RERE: variants seen among roughly 807,000 people sequenced by gnomAD.
RERE encodes arginine-glutamic acid dipeptide repeats protein.
RERE carries 40 observed loss-of-function variants against 146.1 expected under a neutral mutation model. The observed-to-expected ratio is 0.27, with a 90% CI of 0.21 to 0.36. RERE has a LOEUF of 0.36. Ranked by LOEUF, RERE falls within the 10% of genes least tolerant of loss-of-function variation. RERE has a pLI of 1.00. For synonymous variants in RERE, 1,003 were observed against 866.0 expected (o/e 1.16, Z -2.78); for missense variants, 1,933 against 2,138.7 (o/e 0.90, Z 1.90).
chr1:8,749,564 C>T (rs948685596), intron 1 of RERE, among the ~76,000 whole-genome samples: 2 of 152,030 alleles, frequency 1.3e-5, no homozygotes, highest in South Asian at 2.1e-4. Flanking sequence ...CTGATGGAAC[C>T]GCACTGAGGC....
chr1:8,668,574 A>C (rs780275657), intron 1 of RERE, among the ~76,000 whole-genome samples: 1 of 152,240 alleles, frequency 6.6e-6, no homozygotes, highest in Admixed American at 6.5e-5. Context: ...GCAAAACACA[A>C]GCAGATGGGT....
At chr1:8,579,412 A>ATTTTC (rs1380031715) in intron 4 of RERE, among the ~76,000 whole-genome samples, 1 of 152,220 alleles carries the variant, frequency 6.6e-6, no homozygotes, top group Non-Finnish European at 1.5e-5. Flanking sequence ...ATTGTAGGAA[A>ATTTTC]TCATTTTCTA....
intron 11 of RERE, among the ~76,000 whole-genome samples, chr1:8,441,342 A>G (rs920524038): frequency 6.6e-6 from 1 of 152,184 alleles, no homozygotes; most frequent in Non-Finnish European, 1.5e-5. Context: ...CGCTCCTGTG[A>G]GGGGATGCAG....
chr1:8,379,092 C>G (rs933079299), intron 12 of RERE, among the ~76,000 whole-genome samples: 4 of 152,226 alleles, frequency 2.6e-5, no homozygotes, highest in Admixed American at 1.3e-4. Flanking sequence ...AACTCCAGAA[C>G]AGCTCTCAGA....
chr1:8,534,956 C>G (rs1214851136), intron 7 of RERE, among the ~76,000 whole-genome samples: 2 of 152,088 alleles, frequency 1.3e-5, no homozygotes, highest in South Asian at 2.1e-4. Flanking sequence ...AACTGAGGGA[C>G]AGCTGGGCAC....
chr1:8,428,543 C>A (rs963463210), intron 11 of RERE: 1 of 152,182 alleles, frequency 6.6e-6, no homozygotes, highest in Non-Finnish European at 1.5e-5. Flanking sequence ...AAGTTACCTA[C>A]CTACAAGTCC....
chr1:8,358,644 G>A lies in RERE; in HGVS notation c.3891C>T (p.Pro1297=), dbSNP rs1641408190. 1 of 1,585,920 alleles carries A rather than the reference G, an allele frequency of 6.3e-7. No homozygotes were observed. Among genetic ancestry groups the A allele is most frequent in the Non-Finnish European group, 8.6e-7 (1 of 1,166,286 alleles). ...CCCGGAGCTCCCGCTCGCGGATGGT[G>A]GGGTCGACGTTGTAGAGGCCAGGCA... ...YHMPGLYNVD[P]TIRERELRER... The change falls in exon 20 of 23, where the codon CCC becomes CCT. Residue 1297 remains proline, a synonymous_variant. Coordinates refer to ENST00000400908, the MANE Select transcript of RERE (RefSeq NM_001042681.2).
At chr1:8,690,206 C>A (rs1639180582) in intron 1 of RERE, among the ~76,000 whole-genome samples, 1 of 152,208 alleles carries the variant, frequency 6.6e-6, no homozygotes, top group South Asian at 2.1e-4. Context: ...TGAGGGCTCT[C>A]TTCCTAGCTT....
intron 4 of RERE, among the ~76,000 whole-genome samples, chr1:8,609,238 A>G (rs1334450989): frequency 6.6e-6 from 1 of 151,928 alleles, no homozygotes; most frequent in Non-Finnish European, 1.5e-5. Flanking sequence ...AAAAAAAGGA[A>G]TAAATTAACT....
intron 1 of RERE, among the ~76,000 whole-genome samples, chr1:8,666,646 A>G (rs771328410): frequency 7.2e-5 from 11 of 152,268 alleles, no homozygotes; most frequent in Non-Finnish European, 1.2e-4. Context: ...GCATTCTCAT[A>G]AACAGTAACC....
At chr1:8,742,396 A>T (rs953135722) in intron 1 of RERE, among the ~76,000 whole-genome samples, 2 of 152,228 alleles carry the variant, frequency 1.3e-5, no homozygotes, top group Admixed American at 1.3e-4. Flanking sequence ...GAATCGGTAT[A>T]TAAAGTTACT....
intron 2 of RERE, among the ~76,000 whole-genome samples, chr1:8,641,793 C>T (rs1273633190): frequency 3.3e-5 from 5 of 152,154 alleles, no homozygotes; most frequent in Admixed American, 6.5e-5. Flanking sequence ...TTTATCATGG[C>T]GACACCTTAA....
chr1:8,697,589 C>T lies in RERE; in HGVS notation c.-144-41148G>A, dbSNP rs566709533. 2.0e-4 allele frequency among the ~76,000 whole-genome samples: 30 copies of T among 152,218 alleles called. No individual in the cohort carries two copies. In the Middle Eastern group the frequency reaches 0.02, roughly 104 times the overall value. On this transcript the variant is annotated intron_variant, in intron 1 of 22. Transcript: ENST00000400908. ...TTGTATTTTTACAAAATGTTTTTCACCATGTTAGCCAGGACGGTCTCGATC... is the reference window on the plus strand; with the variant it reads ...TTGTATTTTTACAAAATGTTTTTCATCATGTTAGCCAGGACGGTCTCGATC...
chr1:8,460,095 T>A (rs1307038068), intron 11 of RERE, among the ~76,000 whole-genome samples: 1 of 152,226 alleles, frequency 6.6e-6, no homozygotes, highest in African/African-American at 2.4e-5. Context: ...CCTGCTGCTA[T>A]TGGATCTTAA....
At chr1:8,593,712 C>T (rs763801413) in intron 4 of RERE, among the ~76,000 whole-genome samples, 8 of 152,218 alleles carry the variant, frequency 5.3e-5, no homozygotes, top group Non-Finnish European at 1.0e-4. Context: ...CAATGTTAAA[C>T]GGCTAGAAAA....
At chr1:8,401,375 G>A (rs1221990023) in intron 12 of RERE, among the ~76,000 whole-genome samples, 1 of 151,908 alleles carries the variant, frequency 6.6e-6, no homozygotes, top group African/African-American at 2.4e-5. Flanking sequence ...CCGGGAGGTG[G>A]AGTTTGCAGT....
intron 1 of RERE, among the ~76,000 whole-genome samples, chr1:8,687,860 C>G (rs1429150040): frequency 1.3e-5 from 2 of 152,140 alleles, no homozygotes; most frequent in African/African-American, 4.8e-5. Context: ...ATCTTATATT[C>G]TTATTCACAG....
At chr1:8,608,926 T>A (rs1025354664) in intron 4 of RERE, among the ~76,000 whole-genome samples, 1 of 151,868 alleles carries the variant, frequency 6.6e-6, no homozygotes, top group East Asian at 1.9e-4. Flanking sequence ...CTACTAAAAA[T>A]ACAAAAATTA....
At chr1:8,479,310 AT>A (rs1375158742) in intron 10 of RERE, among the ~76,000 whole-genome samples, 2 of 151,680 alleles carry the variant, frequency 1.3e-5, no homozygotes, top group South Asian at 2.1e-4. Context: ...TTTTTTTTAA[AT>A]TTTTTTTAAA....
Sources: allele counts gnomAD v4.1 joint callset (sites outside exome capture counted in the v4.1 genomes callset), GRCh38; gene constraint gnomAD v4.1.1; transcripts MANE v1.5; gene names NCBI Gene and HGNC (gene_info 2026-07-23, HGNC 2026-07-21).